COL9A1: variants seen among roughly 807,000 people sequenced by gnomAD.
COL9A1 encodes the protein collagen alpha-1(IX) chain.
Under a neutral mutation model 142.6 loss-of-function variants are expected in COL9A1, and 104 were observed. The observed-to-expected ratio is 0.73, with a 90% CI of 0.62 to 0.86. The LOEUF (loss-of-function observed/expected upper bound fraction) is 0.86, where lower values mean the gene tolerates loss of function less well. Among genes scored for constraint, COL9A1 ranks in the 40% least tolerant of loss-of-function variants. COL9A1 has a pLI of 0.00. For missense variants in COL9A1, 1,210 were observed against 1,176.6 expected (o/e 1.03, Z -0.42); for synonymous variants, 466 against 396.0 (o/e 1.18, Z -2.10).
At chr6:70,300,979 A>T (rs570802126) in intron 2 of COL9A1, among the ~76,000 whole-genome samples, 12 of 152,284 alleles carry the variant, frequency 7.9e-5, no homozygotes, top group Non-Finnish European at 8.8e-5. Context: ...AATATAGAGG[A>T]TGGATTTGAT....
rs1391075866 is a variant in COL9A1 at position 70,280,744 on chromosome 6, A to G, written c.975+68T>C. ...TTCTCTCTCTCCCTCCCCCCCCACA[A>G]AACACACACTTACTCGTACCCACCA... is the stretch of plus-strand genomic sequence containing the variant. On this transcript the variant is annotated intron_variant, in intron 10 of 37. Coordinates refer to ENST00000357250, the MANE Select transcript of COL9A1 (RefSeq NM_001851.6). The G allele has an allele frequency of 2.6e-6, 4 of 1,509,842 alleles. No individual in the cohort carries two copies. In the African/African-American group the frequency reaches 4.2e-5, roughly 16 times the overall value. The allele number at this position is 1,509,842 out of a possible 1,614,324, so 93.5% of individuals were successfully genotyped here.
intron 12 of COL9A1, 124 bp from the exon 13 acceptor site, chr6:70,272,212 G>C: frequency 4.2e-6 from 3 of 711,542 alleles, no homozygotes. Flanking sequence ...TCATTCTAAA[G>C]AAAGCACTGA....
Position 70,300,061 on chromosome 6 carries a change from T to G in COL9A1, c.281A>C (p.Asp94Ala). 1 of 1,613,864 alleles carries G rather than the reference T, an allele frequency of 6.2e-7. No homozygotes were observed. Among genetic ancestry groups the G allele is most frequent in the East Asian group, 2.2e-5 (1 of 44,854 alleles). ...AGATTACCTAGTTGGAATCCTGAAG[T>G]CTACATTATTTCCCAACTTGTAAGC... ...QVAYKLGNNV[D>A]FRIPTRNLYP... Residue 94 changes from aspartate to alanine, a missense_variant, in exon 4 of 38, where the codon GAC becomes GCC. Asp to Ala is a moderately radical substitution (Grantham distance 126). Transcript: ENST00000357250.
At chr6:70,240,133 G>T (rs1376118101) in intron 32 of COL9A1, among the ~76,000 whole-genome samples, 1 of 152,076 alleles carries the variant, frequency 6.6e-6, no homozygotes, top group Non-Finnish European at 1.5e-5. Flanking sequence ...TGCAAACCAA[G>T]CAGCTCCAGC....
At position 70,269,676 on chromosome 6, in the gene COL9A1, C is replaced by T. The variant is rs769864442; in HGVS notation, c.1198-11G>A. 2.2e-5 allele frequency: 35 copies of T among 1,564,458 alleles called. No homozygotes were observed. Among genetic ancestry groups the T allele is most frequent in the Non-Finnish European group, 3.1e-5 (35 of 1,135,112 alleles). ...AAAGCCAATTGTTCCCTAAAGTAAA[C>T]AAAATATTAAGGTTCAGAATACAAT... On this transcript the variant is annotated splice_polypyrimidine_tract_variant and intron_variant, in intron 15 of 37. Transcript: ENST00000357250.
At chr6:70,296,635 T>C (rs1034755447) in intron 4 of COL9A1, among the ~76,000 whole-genome samples, 10 of 152,176 alleles carry the variant, frequency 6.6e-5, no homozygotes, top group African/African-American at 2.2e-4. Context: ...TAAAATGCAC[T>C]GCCTATTGTA....
At chr6:70,229,183 C>G (rs1438079633) in intron 36 of COL9A1, among the ~76,000 whole-genome samples, 1 of 152,126 alleles carries the variant, frequency 6.6e-6, no homozygotes, top group African/African-American at 2.4e-5. Context: ...AGCTCCAAAA[C>G]AGAGCCTATT....
intron 14 of COL9A1, 116 bp from the exon 15 acceptor site, chr6:70,270,483 G>C: frequency 1.3e-6 from 1 of 792,604 alleles, no homozygotes; most frequent in Non-Finnish European, 1.9e-6. Flanking sequence ...GCTCAGCCAT[G>C]CATAGACCTG....
At chr6:70,240,845 G>T in intron 31 of COL9A1, 112 bp from the exon 32 acceptor site, 1 of 855,160 alleles carries the variant, frequency 1.2e-6, no homozygotes, top group Admixed American at 1.8e-5. Flanking sequence ...CCAGAATCAT[G>T]CAGAAATACA....
downstream of COL9A1, chr6:70,215,543 T>C (rs900569457): frequency 1.3e-5 from 2 of 152,180 alleles, no homozygotes; most frequent in Non-Finnish European, 1.5e-5. Context: ...ATTAAGTCTG[T>C]TGGATAGTTA....
intron 18 of COL9A1, among the ~76,000 whole-genome samples, chr6:70,264,968 C>A (rs1771920853): frequency 6.6e-6 from 1 of 152,076 alleles, no homozygotes; most frequent in African/African-American, 2.4e-5. Flanking sequence ...TCAGTTCAGT[C>A]TATCTGCTCA....
chr6:70,288,595 A>T (rs1400520177), intron 5 of COL9A1, among the ~76,000 whole-genome samples: 1 of 152,114 alleles, frequency 6.6e-6, no homozygotes, highest in Non-Finnish European at 1.5e-5. Context: ...CTCCAACCTC[A>T]ATACTTCCTT....
intron 28 of COL9A1, among the ~76,000 whole-genome samples, chr6:70,243,743 G>T (rs2127567701): frequency 6.6e-6 from 1 of 152,276 alleles, no homozygotes; most frequent in African/African-American, 2.4e-5. Flanking sequence ...GGCCAGGCTG[G>T]TCTTGAATTC....
chr6:70,218,433 T>G (rs1197731759), intron 37 of COL9A1, among the ~76,000 whole-genome samples: 1 of 152,216 alleles, frequency 6.6e-6, no homozygotes, highest in Non-Finnish European at 1.5e-5. Context: ...GAGGAATTTC[T>G]GCTGAATGTT....
At chr6:70,266,675 C>T (rs762921822) in intron 18 of COL9A1, 42 bp downstream of exon 18, 1 of 1,455,908 alleles carries the variant, frequency 6.9e-7, no homozygotes, top group East Asian at 2.3e-5. Context: ...TGACCAATAA[C>T]TCCTAATCAC....
chr6:70,302,917 G>C lies in COL9A1; in HGVS notation c.8C>G (p.Thr3Ser). 1 of 1,614,012 alleles carries C rather than the reference G, an allele frequency of 6.2e-7. No individual in the cohort carries two copies. Among genetic ancestry groups the C allele is most frequent in the Non-Finnish European group, 8.5e-7 (1 of 1,179,952 alleles). The change falls in exon 1 of 38, where the codon ACC becomes AGC. Residue 3 changes from threonine to serine, a missense_variant. By Grantham distance (58) the Thr-to-Ser change is moderately conservative. Transcript: ENST00000357250. MKTCWKIPVFFFV... is the reference protein window; with the variant it reads MKSCWKIPVFFFV... ...TCCAGGGTTATTGTCTTACCAGCAG[G>C]TCTTCATTTTCCCAGTTGATTTTCT...
intron 10 of COL9A1, among the ~76,000 whole-genome samples, chr6:70,275,806 C>T (rs983738282): frequency 2.0e-5 from 3 of 151,954 alleles, no homozygotes; most frequent in East Asian, 3.9e-4. Flanking sequence ...TAAACCCTTT[C>T]TATTATCAAG....
intron 28 of COL9A1, among the ~76,000 whole-genome samples, chr6:70,245,021 A>G (rs199844035): frequency 2.0e-5 from 3 of 152,234 alleles, no homozygotes; most frequent in East Asian, 3.8e-4. Flanking sequence ...ACAAATGGAC[A>G]GCATGTGGTT....
At chr6:70,243,774 C>G (rs764073920) in intron 28 of COL9A1, among the ~76,000 whole-genome samples, 2 of 152,160 alleles carry the variant, frequency 1.3e-5, no homozygotes, top group African/African-American at 4.8e-5. Flanking sequence ...GTGATCCGCC[C>G]GCCTTGGCCT....
Sources: gnomAD v4.1 joint callset for allele counts (sites outside exome capture counted in the v4.1 genomes callset) on GRCh38, gnomAD v4.1.1 for gene constraint, MANE v1.5 for transcripts, NCBI Gene and HGNC (gene_info 2026-07-23, HGNC 2026-07-21) for gene names.